Variants in PADI4 observed in about 807,000 individuals in gnomAD.
PADI4 encodes peptidyl arginine deiminase 4, also known as protein-arginine deiminase type-4.
A neutral mutation model predicts 75.0 loss-of-function variants in PADI4; 62 were observed. The observed-to-expected ratio is 0.83, with a 90% confidence interval of 0.67 to 1.02. The LOEUF (loss-of-function observed/expected upper bound fraction) is 1.02. Ranked by LOEUF, PADI4 falls within the 50% of genes least tolerant of loss-of-function variation. PADI4 has a pLI of 0.00. For missense variants in PADI4, 845 were observed against 850.5 expected (o/e 0.99, Z 0.08); for synonymous variants, 361 against 348.1 (o/e 1.04, Z -0.41).
At position 17,310,763 on chromosome 1, in the gene PADI4, C is replaced by A. The variant is rs147097190; in HGVS notation, c.92+2449C>A. Among the ~76,000 whole-genome samples the A allele has an allele frequency of 5.9e-4, 82 of 139,948 alleles. 1 individual carries two copies. The highest frequency in any genetic ancestry group is 1.9e-3 in the African/African-American group (76 of 39,406). The allele number at this position is 139,948 out of a possible 152,430, so 91.8% of individuals were successfully genotyped here. A position where few individuals can be genotyped will look rare whatever the true frequency, so the allele number is the denominator to read the frequency against. ...ATCACTTGTGGTCAGAATTTCGAGA[C>A]CAGCCTGGCCAACATGGGGAAACCC... On this transcript the variant is annotated intron_variant, in intron 1 of 15. Coordinates refer to ENST00000375448, the MANE Select transcript of PADI4 (RefSeq NM_012387.3).
chr1:17,351,201 GAAAAA>G (rs61284318), intron 10 of PADI4, among the ~76,000 whole-genome samples: 1 of 76,802 alleles, frequency 1.3e-5, no homozygotes, highest in Non-Finnish European at 2.5e-5. Context: ...TGTCCCAGAG[GAAAAA>G]AAAAAAAAAA....
chr1:17,330,756 G>C (rs902116181), intron 1 of PADI4, among the ~76,000 whole-genome samples: 2 of 152,170 alleles, frequency 1.3e-5, no homozygotes, highest in Non-Finnish European at 2.9e-5. Context: ...CCCATACTGA[G>C]GGTGGGTCTT....
chr1:17,339,087 T>A (rs952547523), intron 5 of PADI4, among the ~76,000 whole-genome samples: 6 of 152,186 alleles, frequency 3.9e-5, no homozygotes, highest in African/African-American at 1.4e-4. Flanking sequence ...GTCTTAGTGA[T>A]GAGGAAACAG....
At chr1:17,354,495 ATT>A in intron 10 of PADI4, 36 bp from the exon 11 acceptor site, 1 of 1,608,560 alleles carries the variant, frequency 6.2e-7, no homozygotes, top group Admixed American at 1.7e-5. Context: ...CAGGGACCTC[ATT>A]CCTCTAACTC....
At chr1:17,325,654 G>T (rs1437035602) in intron 1 of PADI4, among the ~76,000 whole-genome samples, 1 of 149,798 alleles carries the variant, frequency 6.7e-6, no homozygotes, top group Non-Finnish European at 1.5e-5. Context: ...TTGCTGCAGT[G>T]CTTAGAATCA....
At chr1:17,315,104 G>A (rs1421587628) in intron 1 of PADI4, among the ~76,000 whole-genome samples, 3 of 152,224 alleles carry the variant, frequency 2.0e-5, no homozygotes, top group Non-Finnish European at 4.4e-5. Flanking sequence ...GACAGCCATG[G>A]CTTGAGTTTA....
chr1:17,363,383 A>G, intron 15 of PADI4, 139 bp from the exon 16 acceptor site: 2 of 622,878 alleles, frequency 3.2e-6, no homozygotes, highest in Non-Finnish European at 5.8e-6. Flanking sequence ...TCAGCCTCCC[A>G]AAGTGCTGGG....
chr1:17,331,838 A>G (rs961580488), intron 2 of PADI4, among the ~76,000 whole-genome samples: 2 of 152,130 alleles, frequency 1.3e-5, no homozygotes, highest in Non-Finnish European at 2.9e-5. Flanking sequence ...GAATCTCTTG[A>G]ACCCGGGAGG....
At chr1:17,316,985 G>A (rs1370340589) in intron 1 of PADI4, among the ~76,000 whole-genome samples, 3 of 151,658 alleles carry the variant, frequency 2.0e-5, no homozygotes, top group African/African-American at 2.4e-5. Flanking sequence ...TGTGTAGAAC[G>A]CCAGGCTCAC....
At chr1:17,343,743 TC>T (rs1354024637) in intron 8 of PADI4, among the ~76,000 whole-genome samples, 1 of 152,216 alleles carries the variant, frequency 6.6e-6, no homozygotes. Context: ...TGCATCTTGC[TC>T]ATTTTCTCTT....
rs1258179418 is a variant in PADI4, at chr1:17,338,055, C to T, written c.426C>T (p.Gly142=). Residue 142 remains glycine, a synonymous_variant, in exon 5 of 16, where the codon GGC becomes GGT. Transcript: ENST00000375448. ...AVKDQRTWTW[G]PCGQGAILLV... is the part of the protein sequence containing the mutation. The stretch of plus-strand genomic sequence containing the variant: ...GTGTCCAGAGGACCTGGACCTGGGG[C>T]CCTTGTGGACAGGGTGCCATCCTGC... 6.2e-7 allele frequency: 1 copy of T among 1,612,468 alleles called. No individual in the cohort carries two copies. The highest frequency in any genetic ancestry group is 8.5e-7 in the Non-Finnish European group (1 of 1,178,660).
chr1:17,358,786 G>A, intron 13 of PADI4, 52 bp from the exon 14 acceptor site: 1 of 1,254,550 alleles, frequency 8.0e-7, no homozygotes, highest in Non-Finnish European at 1.1e-6. Flanking sequence ...CTGGGAAGAG[G>A]GAAATCGACC....
chr1:17,330,931 C>G, intron 1 of PADI4, 38 bp from the exon 2 acceptor site: 1 of 1,433,562 alleles, frequency 7.0e-7, no homozygotes, highest in Middle Eastern at 1.8e-4. Context: ...AGCCCCTCCT[C>G]ACTGCATCCT....
chr1:17,327,749 T>G (rs1366167549), intron 1 of PADI4, among the ~76,000 whole-genome samples: 1 of 152,056 alleles, frequency 6.6e-6, no homozygotes, highest in African/African-American at 2.4e-5. Flanking sequence ...TTTTGCCACG[T>G]TGGCCAGGCC....
At position 17,336,191 on chromosome 1, in the gene PADI4, G is replaced by C; in HGVS notation, c.373G>C (p.Gly125Arg). The C allele has an allele frequency of 6.2e-7, 1 of 1,613,672 alleles. No individual in the cohort carries two copies. Among genetic ancestry groups the C allele is most frequent in the Non-Finnish European group, 8.5e-7 (1 of 1,179,586 alleles). ...ISLCADITRT[G>R]KVKPTRAVKD... ...CTTGTGCGCAGACATCACCCGCACC[G>C]GCAAAGTGAAGCCAACCAGAGCTGT... is the stretch of plus-strand genomic sequence containing the variant. The change falls in exon 4 of 16, where the codon GGC becomes CGC. Residue 125 changes from glycine (G) to arginine (R), a missense_variant. Gly to Arg is a moderately radical substitution (Grantham distance 125). Coordinates refer to ENST00000375448, the MANE Select transcript of PADI4 (RefSeq NM_012387.3).
At position 17,341,948 on chromosome 1, in the gene PADI4, A is replaced by T; in HGVS notation, c.658A>T (p.Lys220Ter). 1 of 1,613,518 alleles carries T rather than the reference A, an allele frequency of 6.2e-7. No homozygotes were observed. Among genetic ancestry groups the T allele is most frequent in the Non-Finnish European group, 8.5e-7 (1 of 1,179,676 alleles). Residue 220 changes from lysine (K) to a stop codon, truncating the protein, a stop_gained, in exon 7 of 16, where the codon AAA (lysine) becomes TAA (stop). Coordinates refer to ENST00000375448, the MANE Select transcript of PADI4 (RefSeq NM_012387.3). LOFTEE classifies it high-confidence loss of function. ...CTCCCCTGCCTCTCTCCTAGGGGGC[A>T]AACTGTCCTCCAAGTGCAGCGTAGT... ...KVRVFQATRGKLSSKCSVVLG... is the reference protein window; with the variant it reads ...KVRVFQATRG
intron 2 of PADI4, among the ~76,000 whole-genome samples, chr1:17,332,177 C>T (rs898345819): frequency 4.6e-5 from 7 of 152,178 alleles, no homozygotes; most frequent in African/African-American, 1.7e-4. Flanking sequence ...CTCTGCCTCT[C>T]TCATAAGGGT....
intron 1 of PADI4, among the ~76,000 whole-genome samples, chr1:17,326,347 T>C (rs541570890): frequency 2.3e-3 from 347 of 152,320 alleles, no homozygotes; most frequent in Non-Finnish European, 4.2e-3. Flanking sequence ...AATATAAACA[T>C]TTAAGGCATA....
At chr1:17,322,877 A>G (rs1298534866) in intron 1 of PADI4, among the ~76,000 whole-genome samples, 1 of 149,324 alleles carries the variant, frequency 6.7e-6, no homozygotes, top group South Asian at 2.1e-4. Context: ...TTCTTCTGGT[A>G]TACTGTATTA....
Sources: gnomAD v4.1 joint callset for allele counts (sites outside exome capture counted in the v4.1 genomes callset) on GRCh38, gnomAD v4.1.1 for gene constraint, MANE v1.5 for transcripts, NCBI Gene and HGNC (gene_info 2026-07-23, HGNC 2026-07-21) for gene names.